The following LAPTM4B variants were observed in gnomAD, a reference collection of about 807,000 sequenced individuals.
The protein encoded by LAPTM4B is lysosomal-associated transmembrane protein 4B.
In LAPTM4B, 26 loss-of-function variants were observed where a neutral mutation model predicts 28.5. The observed-to-expected ratio is 0.91, with a 90% confidence interval of 0.67 to 1.27. The LOEUF is 1.27. LAPTM4B is among the 50% of genes most tolerant of loss of function. The pLI is 0.00. For synonymous variants in LAPTM4B, 109 were observed against 106.4 expected, an observed-to-expected ratio of 1.02 and a Z score of -0.15; for missense variants, 288 against 285.8, an observed-to-expected ratio of 1.01 and a Z score of -0.06.
intron 1 of LAPTM4B, among the ~76,000 whole-genome samples, chr8:97,793,985 T>C (rs1281132107): frequency 6.6e-6 from 1 of 152,018 alleles, no homozygotes; most frequent in African/African-American, 2.4e-5. Context: ...TTGTTTTTTG[T>C]TTTTTGTTTT....
intron 2 of LAPTM4B, among the ~76,000 whole-genome samples, chr8:97,808,471 T>C (rs114942036): frequency 0.03 from 4,285 of 141,710 alleles, 205 homozygotes; most frequent in African/African-American, 0.1. Context: ...AATTAAATAA[T>C]CCATCTCAAG....
chr8:97,795,837 T>TA (rs1190473113), intron 1 of LAPTM4B, among the ~76,000 whole-genome samples: 50,023 of 114,002 alleles, frequency 0.44, 11,248 homozygotes, highest in East Asian at 0.64. Flanking sequence ...ACTCTGTCTT[T>TA]AAAAAAAAAA....
Position 97,776,125 on chromosome 8 carries a change from C to T in LAPTM4B, c.99+17C>T. 1.3e-6 allele frequency: 2 copies of T among 1,486,954 alleles called. No homozygotes were observed. The highest frequency in any genetic ancestry group is 2.3e-5 in the South Asian group (2 of 85,284). The allele number at this position is 1,486,954 out of a possible 1,614,324, so 92.1% of individuals were successfully genotyped here. A position where few individuals can be genotyped will look rare whatever the true frequency, so the allele number is the denominator to read the frequency against. On this transcript the variant is annotated intron_variant, in intron 1 of 6. Coordinates refer to ENST00000521545, the MANE Select transcript of LAPTM4B (RefSeq NM_018407.6). ...TGGTATCTGGTGAGCGCGGCGCGCC[C>T]GGCCCGGGACCCTGCGTTGCTTCCG...
chr8:97,779,414 G>T (rs1816274570), intron 1 of LAPTM4B, among the ~76,000 whole-genome samples: 1 of 152,070 alleles, frequency 6.6e-6, no homozygotes, highest in South Asian at 2.1e-4. Flanking sequence ...GAACCTGGGA[G>T]GCATAGGTTG....
chr8:97,845,901 C>T (rs866218708), intron 6 of LAPTM4B, among the ~76,000 whole-genome samples: 3 of 102,914 alleles, frequency 2.9e-5, no homozygotes, highest in African/African-American at 1.1e-4. Flanking sequence ...CCCCTCCCCT[C>T]CCCTTCCCTT....
intron 6 of LAPTM4B, among the ~76,000 whole-genome samples, chr8:97,842,270 T>A (rs1198600662): frequency 6.6e-6 from 1 of 152,102 alleles, no homozygotes; most frequent in Non-Finnish European, 1.5e-5. Context: ...AAATGACATT[T>A]AAAAACTTCT....
chr8:97,792,091 C>T (rs561407690), intron 1 of LAPTM4B, among the ~76,000 whole-genome samples: 4 of 152,162 alleles, frequency 2.6e-5, no homozygotes, highest in Admixed American at 6.5e-5. Context: ...CATTTTACTC[C>T]TTAAACTTTT....
Position 97,775,857 on chromosome 8 carries a change from G to A in LAPTM4B, c.-153G>A, listed in dbSNP as rs1444461462. The A allele has an allele frequency of 1.3e-6, 2 of 1,528,720 alleles. No individual in the cohort carries two copies. The highest frequency in any genetic ancestry group is 2.8e-5 in the African/African-American group (2 of 71,516). The allele number at this position is 1,528,720 out of a possible 1,614,324, so 94.7% of individuals were successfully genotyped here. The stretch of plus-strand genomic sequence containing the variant: ...CCCGGCAGAAGCTCGGAGCTCTCGG[G>A]GTATCGAGGAGGCAGGCCCGCGGGC... On this transcript the variant is annotated 5_prime_UTR_variant, in exon 1 of 7. Coordinates refer to ENST00000521545, the MANE Select transcript of LAPTM4B (RefSeq NM_018407.6).
At chr8:97,777,119 A>G (rs77980011) in intron 1 of LAPTM4B, among the ~76,000 whole-genome samples, 3,273 of 135,544 alleles carry the variant, frequency 0.024, 92 homozygotes, top group East Asian at 0.11. Flanking sequence ...AATAGCATAT[A>G]TAACTTTTTT....
intron 1 of LAPTM4B, 97 bp from the exon 2 acceptor site, chr8:97,805,256 C>T: frequency 1.5e-6 from 1 of 670,114 alleles, no homozygotes; most frequent in East Asian, 2.6e-5. Flanking sequence ...TTGCCTGTGG[C>T]CAGCCTGACT....
intron 1 of LAPTM4B, among the ~76,000 whole-genome samples, chr8:97,782,755 G>A (rs1425682643): frequency 7.1e-6 from 1 of 141,830 alleles, no homozygotes; most frequent in Non-Finnish European, 1.5e-5. Context: ...TTCTGAGACG[G>A]AGTCTCGCTC....
chr8:97,799,490 G>T (rs1586325747), intron 1 of LAPTM4B, among the ~76,000 whole-genome samples: 1 of 152,182 alleles, frequency 6.6e-6, no homozygotes, highest in East Asian at 1.9e-4. Context: ...AAATAACATG[G>T]TTAGCATCAG....
Position 97,775,863 on chromosome 8 carries a change from G to A in LAPTM4B, c.-147G>A, listed in dbSNP as rs1008771136. The A allele has an allele frequency of 6.6e-7, 1 of 1,521,804 alleles. No individual in the cohort carries two copies. Among genetic ancestry groups the A allele is most frequent in the Non-Finnish European group, 8.8e-7 (1 of 1,139,678 alleles). The allele number at this position is 1,521,804 out of a possible 1,614,324, so 94.3% of individuals were successfully genotyped here. On this transcript the variant is annotated 5_prime_UTR_variant, in exon 1 of 7. Coordinates refer to ENST00000521545, the MANE Select transcript of LAPTM4B (RefSeq NM_018407.6). ...AGAAGCTCGGAGCTCTCGGGGTATCGAGGAGGCAGGCCCGCGGGCGCACGG... is the reference window on the plus strand; with the variant it reads ...AGAAGCTCGGAGCTCTCGGGGTATCAAGGAGGCAGGCCCGCGGGCGCACGG...
chr8:97,795,837 TAA>T (rs1190473113), intron 1 of LAPTM4B, among the ~76,000 whole-genome samples: 39 of 114,110 alleles, frequency 3.4e-4, no homozygotes, highest in Admixed American at 4.8e-4. Context: ...ACTCTGTCTT[TAA>T]AAAAAAAAAA....
chr8:97,814,498 T>A (rs1308881609), intron 2 of LAPTM4B, among the ~76,000 whole-genome samples: 3 of 151,610 alleles, frequency 2.0e-5, no homozygotes, highest in Admixed American at 1.3e-4. Context: ...CATTCCAGCC[T>A]GGGCGACAGA....
chr8:97,797,484 C>CA (rs551333903), intron 1 of LAPTM4B, among the ~76,000 whole-genome samples: 181 of 152,294 alleles, frequency 1.2e-3, no homozygotes, highest in African/African-American at 3.7e-3. Flanking sequence ...ATTCTGTGAA[C>CA]ATTTTCTTGT....
intron 1 of LAPTM4B, among the ~76,000 whole-genome samples, chr8:97,793,388 C>G (rs1230083295): frequency 6.6e-6 from 1 of 152,052 alleles, no homozygotes; most frequent in African/African-American, 2.4e-5. Flanking sequence ...CCCCAGCACT[C>G]ATTTAATTTT....
At chr8:97,823,614 A>T (rs567013605) in intron 5 of LAPTM4B, among the ~76,000 whole-genome samples, 1 of 151,134 alleles carries the variant, frequency 6.6e-6, no homozygotes, top group Non-Finnish European at 1.5e-5. Context: ...GGTTCAAGTG[A>T]TCCACCCACC....
At chr8:97,807,295 G>A (rs769726185) in intron 2 of LAPTM4B, among the ~76,000 whole-genome samples, 2 of 152,100 alleles carry the variant, frequency 1.3e-5, no homozygotes, top group Admixed American at 6.5e-5. Flanking sequence ...GACTGGCCAC[G>A]GTGGCTCACA....
Sources: allele counts gnomAD v4.1 joint callset (sites outside exome capture counted in the v4.1 genomes callset), GRCh38; gene constraint gnomAD v4.1.1; transcripts MANE v1.5; gene names NCBI Gene and HGNC (gene_info 2026-07-23, HGNC 2026-07-21).